Variants in GLIPR1L2 observed in about 807,000 individuals in gnomAD.
GLIPR1L2 encodes GLIPR1-like protein 2.
In GLIPR1L2, 21 loss-of-function variants were observed where a neutral mutation model predicts 28.4. The observed-to-expected ratio is 0.74, with a 90% confidence interval of 0.52 to 1.06. The LOEUF is 1.06. Ranked by LOEUF, GLIPR1L2 falls within the 50% of genes least tolerant of loss-of-function variation. The probability of loss-of-function intolerance (pLI) is 0.00; values close to 1 mark genes in which losing one functional copy is unlikely to be tolerated. For missense variants in GLIPR1L2, 476 were observed against 416.9 expected, an observed-to-expected ratio of 1.14 and a Z score of -1.23; for synonymous variants, 145 against 139.3, an observed-to-expected ratio of 1.04 and a Z score of -0.29.
At chr12:75,408,086 T>C (rs1161975182) in intron 1 of GLIPR1L2, among the ~76,000 whole-genome samples, 2 of 152,052 alleles carry the variant, frequency 1.3e-5, no homozygotes, top group East Asian at 3.9e-4. Flanking sequence ...GATTCAGCTT[T>C]TCTAGCTAAA....
rs750209249 is a variant in GLIPR1L2 at position 75,391,349 on chromosome 12, T to C, written c.233T>C (p.Met78Thr). Reference sequence around the variant, plus strand: ...CCCCGAGGGTCTAACTTGCGCTTCATGGTGAGGCCGGAAGGCGGTTTGCCG... The same window carrying C: ...CCCCGAGGGTCTAACTTGCGCTTCACGGTGAGGCCGGAAGGCGGTTTGCCG... ...VIPRGSNLRFMTWDVALSRTA... is the reference protein window; with the variant it reads ...VIPRGSNLRFTTWDVALSRTA... Residue 78 changes from methionine to threonine, a missense_variant and splice_region_variant, in exon 1 of 6, where the codon ATG (methionine) becomes ACG (threonine). By Grantham distance (81) the Met-to-Thr change is moderately conservative. Coordinates refer to ENST00000550916, the MANE Select transcript of GLIPR1L2 (RefSeq NM_001270396.2). The C allele has an allele frequency of 3.1e-6, 5 of 1,613,572 alleles. No individual in the cohort carries two copies. Among genetic ancestry groups the C allele is most frequent in the African/African-American group, 2.7e-5 (2 of 74,950 alleles).
chr12:75,430,860 G>T lies in GLIPR1L2; in HGVS notation c.734G>T (p.Arg245Leu), dbSNP rs377695461. 1 of 1,534,840 alleles carries T rather than the reference G, an allele frequency of 6.5e-7. No homozygotes were observed. Among genetic ancestry groups the T allele is most frequent in the Admixed American group, 2.0e-5 (1 of 50,914 alleles). Residue 245 changes from arginine to leucine, a missense_variant, in exon 6 of 6, where the codon CGG becomes CTG. Transcript: ENST00000550916. ...TGGTATCCAAAATGGGAAATGCCCC[G>T]GCCAGTTGTGTGTGATCCACTGTGC... ...RFWYPKWEMP[R>L]PVVCDPLCTF... is the part of the protein sequence containing the mutation.
intron 3 of GLIPR1L2, among the ~76,000 whole-genome samples, chr12:75,422,213 C>G (rs950828861): frequency 6.6e-6 from 1 of 151,478 alleles, no homozygotes; most frequent in South Asian, 2.1e-4. Flanking sequence ...AGGCTGGTCT[C>G]GAACTCCTGG....
At chr12:75,413,201 G>A (rs7975447) in intron 2 of GLIPR1L2, among the ~76,000 whole-genome samples, 3 of 149,410 alleles carry the variant, frequency 2.0e-5, no homozygotes, top group African/African-American at 7.3e-5. Flanking sequence ...GTTGTGGGGT[G>A]GGGGGAAGGG....
At chr12:75,413,206 G>C (rs1340390268) in intron 2 of GLIPR1L2, among the ~76,000 whole-genome samples, 1 of 141,798 alleles carries the variant, frequency 7.1e-6, no homozygotes, top group African/African-American at 2.7e-5. Context: ...GGGGTGGGGG[G>C]AAGGGGGAGG....
chr12:75,403,769 C>G (rs1041515809), intron 1 of GLIPR1L2, among the ~76,000 whole-genome samples: 1 of 152,118 alleles, frequency 6.6e-6, no homozygotes, highest in African/African-American at 2.4e-5. Flanking sequence ...TTCACACCAG[C>G]CTCTACAGTT....
chr12:75,422,977 G>T lies in GLIPR1L2; in HGVS notation c.658G>T (p.Asp220Tyr), dbSNP rs2045993313. ...ATGTGGCAGACGTGACAAATGCACA[G>T]ATTTTCTATGCAGTAAGATAAAGAA... ...TRCGRRDKCT[D>Y]FLCSNADRDQ... The change falls in exon 4 of 6, where the codon GAT becomes TAT. Residue 220 changes from aspartate (D) to tyrosine (Y), a missense_variant. By Grantham distance (160) the Asp-to-Tyr change is radical. Transcript: ENST00000550916. 6.2e-7 allele frequency: 1 copy of T among 1,612,416 alleles called. No individual in the cohort carries two copies. Among genetic ancestry groups the T allele is most frequent in the Admixed American group, 1.7e-5 (1 of 59,854 alleles).
intron 1 of GLIPR1L2, 34 bp from the exon 2 acceptor site, chr12:75,410,400 A>G: frequency 6.8e-7 from 1 of 1,463,420 alleles, no homozygotes; most frequent in South Asian, 1.6e-5. Context: ...AAAAAAACTT[A>G]TTTTGTTCTC....
intron 3 of GLIPR1L2, among the ~76,000 whole-genome samples, chr12:75,415,810 T>C (rs1216989064): frequency 6.6e-6 from 1 of 152,136 alleles, no homozygotes; most frequent in African/African-American, 2.4e-5. Context: ...AGCATTTTCA[T>C]GTTTCAAATC....
chr12:75,423,574 T>C (rs1397152151), intron 4 of GLIPR1L2: 1 of 600,876 alleles, frequency 1.7e-6, no homozygotes, highest in East Asian at 1.4e-4. Flanking sequence ...ATTATGTTGT[T>C]TTTTAATTAT....
At chr12:75,407,380 A>G (rs930672896) in intron 1 of GLIPR1L2, among the ~76,000 whole-genome samples, 7 of 152,168 alleles carry the variant, frequency 4.6e-5, no homozygotes, top group African/African-American at 1.7e-4. Flanking sequence ...AAATAAATGA[A>G]TGTGTAAAAG....
Position 75,430,912 on chromosome 12 carries a change from A to G in GLIPR1L2, c.786A>G (p.Leu262=). 1 of 1,535,826 alleles carries G rather than the reference A, an allele frequency of 6.5e-7. No homozygotes were observed. ...CATTCATTTTATTATTGAGAATATT[A>G]TGTTTTATCCTGTGTGTCATAACTG... ...LCTFILLLRI[L]CFILCVITVL... Residue 262 remains leucine (L), a synonymous_variant, in exon 6 of 6, where the codon TTA becomes TTG. Coordinates refer to ENST00000550916, the MANE Select transcript of GLIPR1L2 (RefSeq NM_001270396.2).
intron 1 of GLIPR1L2, among the ~76,000 whole-genome samples, chr12:75,401,797 A>T (rs1432609304): frequency 1.3e-5 from 2 of 152,074 alleles, no homozygotes; most frequent in Non-Finnish European, 1.5e-5. Context: ...ATTTCCCCAA[A>T]ATATGGGCAC....
intron 2 of GLIPR1L2, among the ~76,000 whole-genome samples, chr12:75,412,097 A>G (rs1372061564): frequency 1.3e-5 from 2 of 151,860 alleles, no homozygotes; most frequent in African/African-American, 2.4e-5. Flanking sequence ...ATACTTCTCT[A>G]CTCTTGTATC....
At chr12:75,412,124 A>G (rs902541152) in intron 2 of GLIPR1L2, among the ~76,000 whole-genome samples, 1 of 151,972 alleles carries the variant, frequency 6.6e-6, no homozygotes, top group African/African-American at 2.4e-5. Flanking sequence ...ACTTTTCTAT[A>G]ATTGGATTGT....
intron 1 of GLIPR1L2, among the ~76,000 whole-genome samples, chr12:75,409,697 T>C (rs960337046): frequency 1.4e-5 from 2 of 146,422 alleles, no homozygotes; most frequent in African/African-American, 4.9e-5. Context: ...ATATATCTAA[T>C]CCGATATATA....
At chr12:75,419,728 G>A (rs1282991915) in intron 3 of GLIPR1L2, among the ~76,000 whole-genome samples, 1 of 152,182 alleles carries the variant, frequency 6.6e-6, no homozygotes, top group Non-Finnish European at 1.5e-5. Flanking sequence ...GTTAAGTGAA[G>A]GGAGGAGACC....
At chr12:75,423,398 C>G (rs902291489) in intron 4 of GLIPR1L2, 6 of 977,530 alleles carry the variant, frequency 6.1e-6, no homozygotes, top group Non-Finnish European at 7.3e-6. Context: ...AAGCTGAAAT[C>G]TCCAAATATT....
chr12:75,422,563 A>G (rs941438446), intron 3 of GLIPR1L2, among the ~76,000 whole-genome samples: 6 of 152,154 alleles, frequency 3.9e-5, no homozygotes, highest in Non-Finnish European at 8.8e-5. Flanking sequence ...CAGCCTCCCA[A>G]AGTGCTGGGA....
Sources: gnomAD v4.1 joint callset for allele counts (sites outside exome capture counted in the v4.1 genomes callset) on GRCh38, gnomAD v4.1.1 for gene constraint, MANE v1.5 for transcripts, NCBI Gene and HGNC (gene_info 2026-07-23, HGNC 2026-07-21) for gene names.